NFXL1: variants seen among roughly 807,000 people sequenced by gnomAD.
NFXL1 encodes the protein NF-X1-type zinc finger protein NFXL1.
Under a neutral mutation model 123.3 loss-of-function variants are expected in NFXL1, and 66 were observed. That is an observed-to-expected ratio of 0.54 (90% CI 0.44 to 0.66). The LOEUF is 0.66. NFXL1 is among the 30% of genes least tolerant of loss of function. The probability of loss-of-function intolerance (pLI) is 0.00; values close to 1 mark genes in which losing one functional copy is unlikely to be tolerated. For synonymous variants in NFXL1, 346 were observed against 360.8 expected (o/e 0.96, Z 0.46); for missense variants, 944 against 1,125.6 (o/e 0.84, Z 2.31).
intron 18 of NFXL1, among the ~76,000 whole-genome samples, chr4:47,866,048 T>C (rs1038082279): frequency 2.0e-5 from 3 of 151,698 alleles, no homozygotes; most frequent in Non-Finnish European, 2.9e-5. Flanking sequence ...TTAAAAAGTA[T>C]ACGAGATTCA....
In NFXL1 at chr4:47,855,156, C is replaced by A; in HGVS notation, c.2324G>T (p.Cys775Phe). 6.4e-7 allele frequency: 1 copy of A among 1,564,452 alleles called. No homozygotes were observed. The highest frequency in any genetic ancestry group is 8.7e-7 in the Non-Finnish European group (1 of 1,145,184). ...CKNQCPKELP[C>F]GHRCKEMCHP... The stretch of plus-strand genomic sequence containing the variant: ...ACACATCTCTTTGCATCTATGACCA[C>A]AAGGAAGCTAAAATAAAATCAAAAT... Residue 775 changes from cysteine (C) to phenylalanine (F), a missense_variant, in exon 20 of 23, where the codon TGT (cysteine) becomes TTT (phenylalanine). Transcript: ENST00000507489.
At chr4:47,880,807 T>TAAAAAAAAAAAAAAAAAAAAAAAAGA (rs57880960) in intron 15 of NFXL1, among the ~76,000 whole-genome samples, 3 of 78,830 alleles carry the variant, frequency 3.8e-5, no homozygotes, top group Non-Finnish European at 5.0e-5. Flanking sequence ...AATTAATGAG[T>TAAAAAAAAAAAAAAAAAAAAAAAAGA]AAAAAAAAAA....
intron 18 of NFXL1, among the ~76,000 whole-genome samples, chr4:47,863,920 G>A (rs565440176): frequency 2.6e-5 from 4 of 151,686 alleles, no homozygotes; most frequent in Non-Finnish European, 4.4e-5. Flanking sequence ...CCTTTTTTCT[G>A]TATTTTCTTA....
At chr4:47,914,253 C>T in intron 1 of NFXL1, 48 bp from the exon 2 acceptor site, 1 of 1,364,340 alleles carries the variant, frequency 7.3e-7, no homozygotes, top group South Asian at 1.5e-5. Context: ...GTGAGCGCAG[C>T]GAGGACCGAG....
At position 47,848,348 on chromosome 4, in the gene NFXL1, C is replaced by T. The variant is rs763554462; in HGVS notation, c.2563-12G>A. Reference sequence around the variant, plus strand: ...GCTTCTAGTTCAGCCTAAATAAAAACAGCATCATTTTAATTAAATTCAATG... The same window carrying T: ...GCTTCTAGTTCAGCCTAAATAAAAATAGCATCATTTTAATTAAATTCAATG... On this transcript the variant is annotated splice_polypyrimidine_tract_variant and intron_variant, in intron 22 of 22. Coordinates refer to ENST00000507489, the MANE Select transcript of NFXL1 (RefSeq NM_001278624.2). The T allele has an allele frequency of 6.3e-7, 1 of 1,576,364 alleles. No homozygotes were observed. The highest frequency in any genetic ancestry group is 1.2e-5 in the South Asian group (1 of 85,734).
intron 12 of NFXL1, among the ~76,000 whole-genome samples, chr4:47,889,493 C>T (rs952399298): frequency 1.5e-4 from 23 of 152,088 alleles, no homozygotes; most frequent in Admixed American, 9.2e-4. Context: ...TTCTATTAAC[C>T]TTGGGCCAAT....
intron 11 of NFXL1, among the ~76,000 whole-genome samples, chr4:47,892,840 A>C (rs1481487473): frequency 6.6e-6 from 1 of 152,228 alleles, no homozygotes; most frequent in Non-Finnish European, 1.5e-5. Context: ...ATCATCTAGC[A>C]GACAAAGAAG....
chr4:47,848,402 C>A, intron 22 of NFXL1, 66 bp from the exon 23 acceptor site: 1 of 1,258,240 alleles, frequency 7.9e-7, no homozygotes, highest in South Asian at 1.4e-5. Context: ...TTTCCATTTA[C>A]ATAAAAATCA....
intron 15 of NFXL1, among the ~76,000 whole-genome samples, chr4:47,883,566 C>T (rs754749350): frequency 6.6e-6 from 1 of 152,200 alleles, no homozygotes; most frequent in Non-Finnish European, 1.5e-5. Flanking sequence ...CCTATTTGTG[C>T]ATATATCTCC....
At chr4:47,884,994 G>A (rs1184031190) in intron 14 of NFXL1, among the ~76,000 whole-genome samples, 1 of 151,834 alleles carries the variant, frequency 6.6e-6, no homozygotes, top group African/African-American at 2.4e-5. Context: ...GGGCATGGTA[G>A]CAGGCACCTA....
At chr4:47,888,818 A>G (rs556578414) in intron 12 of NFXL1, among the ~76,000 whole-genome samples, 6 of 152,330 alleles carry the variant, frequency 3.9e-5, no homozygotes, top group African/African-American at 1.4e-4. Context: ...CAATTACAAC[A>G]TGTCAATTTT....
Position 47,886,017 on chromosome 4 carries a change from CAAT to C in NFXL1, c.1544-21_1544-19del, listed in dbSNP as rs1030582673. The C allele has an allele frequency of 1.9e-6, 3 of 1,605,114 alleles. No homozygotes were observed. Among genetic ancestry groups the C allele is most frequent in the Non-Finnish European group, 2.5e-6 (3 of 1,177,084 alleles). On this transcript the variant is annotated intron_variant, in intron 12 of 22. Transcript: ENST00000507489. The stretch of plus-strand genomic sequence containing the variant: ...GCAACTGCCTGAAAAAAAAGTCTGA[CAAT>C]TAAAAAGTTTCCTTAACTACCCAAA...
intron 2 of NFXL1, among the ~76,000 whole-genome samples, chr4:47,911,204 TGCTAAAATGCA>T (rs934478547): frequency 6.6e-6 from 1 of 152,164 alleles, no homozygotes; most frequent in Non-Finnish European, 1.5e-5. Flanking sequence ...CTAAGTATCC[TGCTAAAATGCA>T]GCAAATTTTT....
At chr4:47,893,041 T>C (rs963024023) in intron 11 of NFXL1, among the ~76,000 whole-genome samples, 1 of 151,750 alleles carries the variant, frequency 6.6e-6, no homozygotes, top group African/African-American at 2.4e-5. Context: ...AAGACCCAAA[T>C]CCAACTTCTA....
At chr4:47,900,801 TTC>T (rs1174745115) in intron 5 of NFXL1, among the ~76,000 whole-genome samples, 2 of 152,218 alleles carry the variant, frequency 1.3e-5, no homozygotes, top group Admixed American at 6.5e-5. Flanking sequence ...CGAGAACATG[TTC>T]TGTTTCCAAA....
intron 3 of NFXL1, among the ~76,000 whole-genome samples, chr4:47,908,189 G>A (rs973899630): frequency 2.6e-5 from 4 of 152,240 alleles, no homozygotes; most frequent in Admixed American, 6.5e-5. Flanking sequence ...GGAAGCTGAG[G>A]TGGGAGAATT....
chr4:47,879,206 A>G (rs1735935603), intron 15 of NFXL1, 89 bp from the exon 16 acceptor site: 1 of 523,030 alleles, frequency 1.9e-6, no homozygotes, highest in Non-Finnish European at 3.3e-6. Context: ...CATTAAAAAA[A>G]TAAATACATA....
At chr4:47,856,926 C>G (rs1734446502) in intron 19 of NFXL1, among the ~76,000 whole-genome samples, 1 of 152,110 alleles carries the variant, frequency 6.6e-6, no homozygotes, top group Non-Finnish European at 1.5e-5. Context: ...ACCTTCATTC[C>G]TGCCAGTGCC....
In NFXL1 at chr4:47,898,962, C is replaced by A. The variant is rs558039771; in HGVS notation, c.985G>T (p.Ala329Ser). 94 of 1,613,926 alleles carry A rather than the reference C, an allele frequency of 5.8e-5. No homozygotes were observed. The South Asian group carries it at 9.7e-4, about 17-fold the overall frequency. Residue 329 changes from alanine to serine, a missense_variant, in exon 7 of 23, where the codon GCA becomes TCA. Ala to Ser is a moderately conservative substitution (Grantham distance 99). Transcript: ENST00000507489. ...TCTAATGGGTATGGCCTTTTACCTG[C>A]ATGACAAGGATTTTCACACTTATGT... Reference protein sequence around the residue: ...GQHKCENPCHAGSCQPCPRVS... With the variant: ...GQHKCENPCHSGSCQPCPRVS...
Sources: gnomAD v4.1 joint callset for allele counts (sites outside exome capture counted in the v4.1 genomes callset) on GRCh38, gnomAD v4.1.1 for gene constraint, MANE v1.5 for transcripts, NCBI Gene and HGNC (gene_info 2026-07-23, HGNC 2026-07-21) for gene names.